The following RIPOR2 variants were observed in gnomAD, a reference collection of about 807,000 sequenced individuals.
The protein encoded by RIPOR2 is RHO family interacting cell polarization regulator 2.
In RIPOR2, 39 loss-of-function variants were observed where a neutral mutation model predicts 114.5. That is an observed-to-expected ratio of 0.34 (90% CI 0.26 to 0.44). The LOEUF (loss-of-function observed/expected upper bound fraction) is 0.44, where lower values mean the gene tolerates loss of function less well. Ranked by LOEUF, RIPOR2 falls within the 20% of genes least tolerant of loss-of-function variation. The pLI, the probability that RIPOR2 is intolerant of heterozygous loss-of-function variation, is 1.00. For synonymous variants in RIPOR2, 445 were observed against 484.4 expected (o/e 0.92, Z 1.07); for missense variants, 1,007 against 1,255.1 (o/e 0.80, Z 2.99).
At chr6:25,020,150 T>C (rs1561847350) in intron 1 of RIPOR2, among the ~76,000 whole-genome samples, 1 of 152,310 alleles carries the variant, frequency 6.6e-6, no homozygotes, top group East Asian at 1.9e-4. Context: ...AATCAGCTAG[T>C]ATTAAAGGTT....
chr6:24,927,253 A>AT, intron 1 of RIPOR2, among the ~76,000 whole-genome samples: 1 of 152,138 alleles, frequency 6.6e-6, no homozygotes, highest in African/African-American at 2.4e-5. Flanking sequence ...AATCACCACC[A>AT]CCACCACCAC....
At chr6:24,983,722 A>T (rs1774403617) in intron 1 of RIPOR2, among the ~76,000 whole-genome samples, 1 of 129,798 alleles carries the variant, frequency 7.7e-6, no homozygotes, top group African/African-American at 2.9e-5. Context: ...GTGCCACTAC[A>T]CTCCAGCCTG....
chr6:25,010,845 C>T (rs927181289), intron 1 of RIPOR2, among the ~76,000 whole-genome samples: 1 of 152,158 alleles, frequency 6.6e-6, no homozygotes, highest in Non-Finnish European at 1.5e-5. Flanking sequence ...GGACTTCTTG[C>T]CTTTGAGGAG....
rs566896390 is a variant in RIPOR2 at position 25,019,270 on chromosome 6, TA to T, written c.76+22580del. On this transcript the variant is annotated intron_variant, in intron 1 of 13. Coordinates refer to the RIPOR2 transcript ENST00000510784. ...ATACTCTAATATGTGGCATAGTTGTTAAGAAAGCAGGCATACTGTAATGTTC... is the reference window on the plus strand; with the variant it reads ...ATACTCTAATATGTGGCATAGTTGTTAGAAAGCAGGCATACTGTAATGTTC... Among the ~76,000 whole-genome samples the T allele has an allele frequency of 5.9e-5, 9 of 152,292 alleles. No homozygotes were observed. In the South Asian group the frequency reaches 1.9e-3, roughly 32 times the overall value.
intron 1 of RIPOR2, among the ~76,000 whole-genome samples, chr6:24,905,260 G>T (rs1768859408): frequency 1.3e-5 from 2 of 151,962 alleles, no homozygotes; most frequent in South Asian, 4.2e-4. Context: ...TATCTTTTCT[G>T]CTGAGTAGAT....
intron 1 of RIPOR2, among the ~76,000 whole-genome samples, chr6:24,977,970 A>T (rs373644980): frequency 2.0e-5 from 3 of 152,242 alleles, no homozygotes; most frequent in Non-Finnish European, 1.5e-5. Context: ...CCAGGTGTTT[A>T]TATTGAAATG....
Position 24,875,675 on chromosome 6 carries a change from AC to A in RIPOR2, c.188+15del. The stretch of plus-strand genomic sequence containing the variant: ...TTGGCAAGCTGCATCCCGGGAGAGA[AC>A]CACACAGTACTTGCCTGGATCGCCT... On this transcript the variant is annotated intron_variant, in intron 2 of 21. Coordinates refer to ENST00000643898, the MANE Select transcript of RIPOR2 (RefSeq NM_001286445.3). 6.2e-7 allele frequency: 1 copy of A among 1,608,826 alleles called. No individual in the cohort carries two copies. The highest frequency in any genetic ancestry group is 8.5e-7 in the Non-Finnish European group (1 of 1,177,726).
At chr6:24,951,573 T>C (rs562072208) in intron 1 of RIPOR2, among the ~76,000 whole-genome samples, 1 of 152,342 alleles carries the variant, frequency 6.6e-6, no homozygotes, top group Middle Eastern at 3.4e-3. Flanking sequence ...CCAGTTCCTT[T>C]GCCTCACGCT....
chr6:25,032,398 T>A (rs1373545396), intron 1 of RIPOR2, among the ~76,000 whole-genome samples: 1 of 152,044 alleles, frequency 6.6e-6, no homozygotes, highest in Non-Finnish European at 1.5e-5. Context: ...AGATAAGAAC[T>A]AAGCCACCTG....
chr6:24,810,529 C>A (rs1781073724), intron 20 of RIPOR2, among the ~76,000 whole-genome samples: 1 of 152,096 alleles, frequency 6.6e-6, no homozygotes, highest in South Asian at 2.1e-4. Flanking sequence ...CTCCATGAAC[C>A]AGACTATTCA....
chr6:24,973,712 G>C (rs867919433), intron 1 of RIPOR2, among the ~76,000 whole-genome samples: 7 of 151,914 alleles, frequency 4.6e-5, no homozygotes, highest in Non-Finnish European at 8.8e-5. Flanking sequence ...ATCAATGGTG[G>C]ACTGAATAAA....
intron 1 of RIPOR2, chr6:25,041,746 G>T (rs1394510241): frequency 1.6e-5 from 10 of 625,860 alleles, no homozygotes; most frequent in Non-Finnish European, 2.9e-5. Flanking sequence ...AGAGGAGGAA[G>T]GGGGAAAGAT....
chr6:24,877,278 C>T (rs1459527102), intron 1 of RIPOR2: 8 of 985,292 alleles, frequency 8.1e-6, no homozygotes, highest in Non-Finnish European at 9.6e-6. Context: ...CCTCCTCCCC[C>T]ATGTTGCTGC....
intron 19 of RIPOR2, among the ~76,000 whole-genome samples, chr6:24,824,933 T>C (rs1056868821): frequency 2.6e-5 from 4 of 152,200 alleles, no homozygotes; most frequent in African/African-American, 9.7e-5. Context: ...ATATTACATT[T>C]AAAAATCCAT....
upstream of RIPOR2, among the ~76,000 whole-genome samples, chr6:24,936,700 G>A (rs1030963200): frequency 6.6e-6 from 1 of 152,178 alleles, no homozygotes; most frequent in African/African-American, 2.4e-5. Flanking sequence ...TTCTACGCGA[G>A]CACCATTGGC....
intron 1 of RIPOR2, among the ~76,000 whole-genome samples, chr6:24,902,725 T>TC: frequency 6.6e-6 from 1 of 152,248 alleles, no homozygotes; most frequent in South Asian, 2.1e-4. Context: ...TCCCAAATCC[T>TC]CCCCCGGCAA....
At chr6:24,995,440 G>C (rs11966761) in intron 1 of RIPOR2, among the ~76,000 whole-genome samples, 2 of 152,184 alleles carry the variant, frequency 1.3e-5, no homozygotes, top group Non-Finnish European at 2.9e-5. Flanking sequence ...AAGTGGCCAC[G>C]GGGAGGGAGG....
intron 1 of RIPOR2, among the ~76,000 whole-genome samples, chr6:25,035,820 C>T (rs1777222700): frequency 6.6e-6 from 1 of 152,196 alleles, no homozygotes; most frequent in Non-Finnish European, 1.5e-5. Context: ...GAGGTGCCCA[C>T]ATATTCTTCC....
chr6:24,808,289 A>C (rs1270952849), intron 21 of RIPOR2, among the ~76,000 whole-genome samples: 1 of 152,210 alleles, frequency 6.6e-6, no homozygotes, highest in Non-Finnish European at 1.5e-5. Flanking sequence ...GTTACACTGG[A>C]AATAGAAGCT....
Sources: gnomAD v4.1 joint callset for allele counts (sites outside exome capture counted in the v4.1 genomes callset) on GRCh38, gnomAD v4.1.1 for gene constraint, MANE v1.5 for transcripts, NCBI Gene and HGNC (gene_info 2026-07-23, HGNC 2026-07-21) for gene names.